Variants in BABAM2 observed in about 807,000 individuals in gnomAD.
The protein encoded by BABAM2 is BRISC and BRCA1-A complex member 2.
A neutral mutation model predicts 54.7 loss-of-function variants in BABAM2; 31 were observed. The ratio of observed to expected loss-of-function variants is 0.57; its 90% CI spans 0.43 to 0.77. The LOEUF is 0.77. Among genes scored for constraint, BABAM2 ranks in the 30% least tolerant of loss-of-function variants. The pLI, the probability that BABAM2 is intolerant of heterozygous loss-of-function variation, is 0.00. For synonymous variants in BABAM2, 167 were observed against 162.9 expected (o/e 1.03, Z -0.19); for missense variants, 364 against 455.8 (o/e 0.80, Z 1.83).
chr2:27,928,231 G>A (rs1477797607), intron 2 of BABAM2, among the ~76,000 whole-genome samples: 3 of 152,016 alleles, frequency 2.0e-5, no homozygotes, highest in Non-Finnish European at 4.4e-5. Flanking sequence ...GGCCAGGATG[G>A]TCTCCATCTC....
rs1285401174 is a variant in BABAM2, at chr2:28,137,329, G to A, written c.680+7949G>A. 2.0e-5 allele frequency among the ~76,000 whole-genome samples: 3 copies of A among 152,248 alleles called. No homozygotes were observed. The East Asian group carries it at 5.8e-4, about 29-fold the overall frequency. On this transcript the variant is annotated intron_variant, in intron 7 of 11. Coordinates refer to ENST00000379624, the MANE Select transcript of BABAM2 (RefSeq NM_199191.3). ...TCCTTTGATAAATAGATGGTCCTGA[G>A]TATGCTAAGACAGCCAGCTCTCAGG...
intron 11 of BABAM2, among the ~76,000 whole-genome samples, chr2:28,302,988 G>A (rs533910023): frequency 5.3e-5 from 8 of 151,982 alleles, no homozygotes; most frequent in Admixed American, 1.3e-4. Context: ...TGTGAGTATC[G>A]TCTTTCAATC....
At chr2:28,066,970 G>A (rs899918551) in intron 6 of BABAM2, among the ~76,000 whole-genome samples, 3 of 152,174 alleles carry the variant, frequency 2.0e-5, no homozygotes, top group East Asian at 1.9e-4. Context: ...TTTTTGAGGC[G>A]GAGTTTTGCT....
chr2:28,177,213 C>T (rs1322979619), intron 7 of BABAM2, among the ~76,000 whole-genome samples: 2 of 151,370 alleles, frequency 1.3e-5, no homozygotes, highest in African/African-American at 4.9e-5. Flanking sequence ...AGAGATTTCT[C>T]AGCAGAAACT....
chr2:28,194,180 G>A (rs1270704510), intron 7 of BABAM2, among the ~76,000 whole-genome samples: 1 of 152,128 alleles, frequency 6.6e-6, no homozygotes, highest in Non-Finnish European at 1.5e-5. Flanking sequence ...GGGAAGTGGG[G>A]AAGTTTCCCA....
intron 11 of BABAM2, among the ~76,000 whole-genome samples, chr2:28,337,447 C>T (rs1046875602): frequency 2.6e-5 from 4 of 152,226 alleles, no homozygotes; most frequent in African/African-American, 7.2e-5. Context: ...CACCCCGCCA[C>T]CCCTGATGCC....
chr2:28,120,022 A>C (rs1481773234), intron 6 of BABAM2, among the ~76,000 whole-genome samples: 2 of 152,200 alleles, frequency 1.3e-5, no homozygotes, highest in East Asian at 1.9e-4. Context: ...TGATGTCCTC[A>C]GAGAAGCCAT....
At chr2:28,044,549 A>AC (rs1462503414) in intron 5 of BABAM2, among the ~76,000 whole-genome samples, 20 of 152,158 alleles carry the variant, frequency 1.3e-4, no homozygotes, top group Admixed American at 7.8e-4. Context: ...GAACCTTGAA[A>AC]CCACTTGCTA....
rs1406843262 is a variant in BABAM2, at chr2:28,224,849, G to GAAAAA, written c.681-12352_681-12351insAAAAA. 1.8e-4 allele frequency among the ~76,000 whole-genome samples: 11 copies of GAAAAA among 60,402 alleles called. 1 individual carries two copies. The highest frequency in any genetic ancestry group is 0.019 in the Middle Eastern group (2 of 108). 39.6% of individuals were successfully genotyped at this position (60,402 alleles called of 152,430 possible). On this transcript the variant is annotated intron_variant, in intron 7 of 11. Coordinates refer to ENST00000379624, the MANE Select transcript of BABAM2 (RefSeq NM_199191.3). ...AGAACAAGTCCAAAAACGGTAAATT[G>GAAAAA]ACAAAAAAAAAAAAAAAAAAAAAAA...
chr2:28,222,772 C>A lies in BABAM2; in HGVS notation c.681-14430C>A, dbSNP rs112319666. ...TTCCCAGAACCCCTTCTCTTCCTGA[C>A]TAAATCTTTCCCTTTCTGTTGTGTC... On this transcript the variant is annotated intron_variant, in intron 7 of 11. Transcript: ENST00000379624. Among the ~76,000 whole-genome samples the A allele has an allele frequency of 5.0e-3, 755 of 152,348 alleles. 11 individuals are homozygous for A. The highest frequency in any genetic ancestry group is 0.017 in the African/African-American group (698 of 41,572).
chr2:27,985,551 G>A (rs1367057715), intron 3 of BABAM2, among the ~76,000 whole-genome samples: 2 of 151,986 alleles, frequency 1.3e-5, no homozygotes, highest in African/African-American at 2.4e-5. Flanking sequence ...GCACTTAGAC[G>A]TTCAGTTCAG....
chr2:28,176,078 C>CAA, intron 7 of BABAM2, among the ~76,000 whole-genome samples: 1 of 152,186 alleles, frequency 6.6e-6, no homozygotes, highest in African/African-American at 2.4e-5. Context: ...AGGAAAAAGT[C>CAA]TTCCCTTATG....
At chr2:28,300,477 G>C (rs993821048) in intron 11 of BABAM2, among the ~76,000 whole-genome samples, 1 of 152,190 alleles carries the variant, frequency 6.6e-6, no homozygotes, top group Admixed American at 6.5e-5. Flanking sequence ...TGGAAAAAAG[G>C]AATTATGAAG....
At chr2:28,281,956 G>A (rs1041895714) in intron 10 of BABAM2, among the ~76,000 whole-genome samples, 7 of 152,206 alleles carry the variant, frequency 4.6e-5, no homozygotes, top group African/African-American at 1.7e-4. Flanking sequence ...AGGCTTCAAA[G>A]GTTACTGACA....
chr2:27,960,496 T>A (rs1319740261), intron 3 of BABAM2, among the ~76,000 whole-genome samples: 1 of 152,182 alleles, frequency 6.6e-6, no homozygotes, highest in East Asian at 1.9e-4. Context: ...TTATTTCTAC[T>A]GATTTTTTGG....
intron 7 of BABAM2, among the ~76,000 whole-genome samples, chr2:28,194,071 C>T (rs1381508373): frequency 3.3e-5 from 5 of 152,036 alleles, no homozygotes; most frequent in South Asian, 2.1e-4. Context: ...ACTCAGAGAG[C>T]GGGCGGGAGT....
intron 5 of BABAM2, among the ~76,000 whole-genome samples, chr2:28,029,055 C>T (rs1329453298): frequency 6.6e-6 from 1 of 152,184 alleles, no homozygotes; most frequent in Admixed American, 6.5e-5. Context: ...ATGTGAGCCA[C>T]CATGCCTGGC....
chr2:27,893,712 T>A (rs1368888912), intron 1 of BABAM2, among the ~76,000 whole-genome samples: 6 of 152,110 alleles, frequency 3.9e-5, no homozygotes, highest in African/African-American at 1.2e-4. Flanking sequence ...GTATCAGCAG[T>A]AGGCCGGGTG....
At chr2:27,893,632 C>A (rs1337821015) in intron 1 of BABAM2, among the ~76,000 whole-genome samples, 3 of 152,108 alleles carry the variant, frequency 2.0e-5, no homozygotes, top group Non-Finnish European at 4.4e-5. Context: ...AAAACATAGA[C>A]CCTGCAGGGA....
Sources: gnomAD v4.1 joint callset for allele counts (sites outside exome capture counted in the v4.1 genomes callset) on GRCh38, gnomAD v4.1.1 for gene constraint, MANE v1.5 for transcripts, NCBI Gene and HGNC (gene_info 2026-07-23, HGNC 2026-07-21) for gene names.